The following HTRA4 variants were observed in gnomAD, a reference collection of about 807,000 sequenced individuals.
HTRA4 encodes the protein HtrA serine peptidase 4.
A neutral mutation model predicts 49.1 loss-of-function variants in HTRA4; 46 were observed. That is an observed-to-expected ratio of 0.94 (90% CI 0.74 to 1.20). HTRA4 has a LOEUF of 1.20. HTRA4 is among the 50% of genes most tolerant of loss of function. The pLI, the probability that HTRA4 is intolerant of heterozygous loss-of-function variation, is 0.00. For synonymous variants in HTRA4, 261 were observed against 264.0 expected (o/e 0.99, Z 0.11); for missense variants, 602 against 636.9 (o/e 0.95, Z 0.59).
At chr8:38,978,390 C>T (rs779370759) in intron 4 of HTRA4, among the ~76,000 whole-genome samples, 8 of 152,140 alleles carry the variant, frequency 5.3e-5, no homozygotes, top group East Asian at 1.9e-4. Flanking sequence ...AACTCATGCC[C>T]GATGATCTGA....
chr8:38,974,616 G>A lies in HTRA4; in HGVS notation c.353G>A (p.Ser118Asn). The stretch of plus-strand genomic sequence containing the variant: ...ACGCTGGGAGGGGCCGTGTGCGGCA[G>A]CGACAGGCGCACCTACCCCAGCATG... ...CPTLGGAVCGSDRRTYPSMCA... is the reference protein window; with the variant it reads ...CPTLGGAVCGNDRRTYPSMCA... Residue 118 changes from serine to asparagine, a missense_variant, in exon 1 of 9, where the codon AGC becomes AAC. Coordinates refer to ENST00000302495, the MANE Select transcript of HTRA4 (RefSeq NM_153692.4). 7.0e-7 allele frequency: 1 copy of A among 1,427,022 alleles called. No homozygotes were observed. Among genetic ancestry groups the A allele is most frequent in the Non-Finnish European group, 9.1e-7 (1 of 1,097,628 alleles). 88.4% of individuals were successfully genotyped at this position (1,427,022 alleles called of 1,614,324 possible).
In HTRA4 at chr8:38,978,019, T is replaced by G. The variant is rs780567112; in HGVS notation, c.838T>G (p.Leu280Val). Residue 280 changes from leucine (L) to valine (V), a missense_variant, in exon 4 of 9, where the codon TTG becomes GTG. Transcript: ENST00000302495. ...TCGGGCTGGAGAGTTTGTGGTGGCT[T>G]TGGGCAGCCCATTTTCTCTGCAGAA... Reference protein sequence around the residue: ...DLRAGEFVVALGSPFSLQNTA... With the variant: ...DLRAGEFVVAVGSPFSLQNTA... 1.9e-6 allele frequency: 3 copies of G among 1,614,172 alleles called. No individual in the cohort carries two copies. Among genetic ancestry groups the G allele is most frequent in the Non-Finnish European group, 2.5e-6 (3 of 1,180,030 alleles).
intron 8 of HTRA4, among the ~76,000 whole-genome samples, chr8:38,984,557 G>A (rs1234999761): frequency 6.6e-6 from 1 of 151,818 alleles, no homozygotes; most frequent in Non-Finnish European, 1.5e-5. Flanking sequence ...GACCAGCCTG[G>A]CAAACTTGGT....
At chr8:38,981,807 T>A in intron 6 of HTRA4, 40 bp downstream of exon 6, 1 of 1,406,974 alleles carries the variant, frequency 7.1e-7, no homozygotes, top group Non-Finnish European at 1.0e-6. Flanking sequence ...GGTTTCGTCT[T>A]GTGCTTTTCA....
Position 38,988,133 on chromosome 8 carries a change from A to AG in HTRA4, c.*35_*36insG. ...TTTAAAGTGGGATTATCTAAAAAAA[A>AG]AAAAACCAGTTATATCACGTGGTTT... On this transcript the variant is annotated 3_prime_UTR_variant, in exon 9 of 9. Coordinates refer to ENST00000302495, the MANE Select transcript of HTRA4 (RefSeq NM_153692.4). 1.3e-6 allele frequency: 2 copies of AG among 1,507,660 alleles called. No individual in the cohort carries two copies. Among genetic ancestry groups the AG allele is most frequent in the Non-Finnish European group, 1.8e-6 (2 of 1,129,778 alleles). The allele number at this position is 1,507,660 out of a possible 1,614,324, so 93.4% of individuals were successfully genotyped here.
intron 5 of HTRA4, among the ~76,000 whole-genome samples, chr8:38,979,629 C>A (rs1030581885): frequency 6.6e-6 from 1 of 151,998 alleles, no homozygotes; most frequent in Non-Finnish European, 1.5e-5. Flanking sequence ...TTCTCTCTTC[C>A]CCGTGCTTTC....
intron 8 of HTRA4, among the ~76,000 whole-genome samples, chr8:38,984,167 ATTG>A (rs976413289): frequency 4.0e-5 from 6 of 151,672 alleles, no homozygotes; most frequent in African/African-American, 1.5e-4. Flanking sequence ...CGCTTGGTTA[ATTG>A]TTGTATTTTT....
At position 38,987,941 on chromosome 8, in the gene HTRA4, G is replaced by A. The variant is rs867434767; in HGVS notation, c.1274G>A (p.Gly425Glu). ...TTTTTTTCTCCCTCTCTCAGCTCTG[G>A]ATTGAGAGATCACGATGTAATTGTC... ...VVEGTAAQSSGLRDHDVIVNI... is the reference protein window; with the variant it reads ...VVEGTAAQSSELRDHDVIVNI... Residue 425 changes from glycine (G) to glutamate (E), a missense_variant, in exon 9 of 9, where the codon GGA (glycine) becomes GAA (glutamate). Physicochemically the swap from Gly to Glu is moderately conservative, Grantham distance 98. Transcript: ENST00000302495. 2 of 1,588,016 alleles carry A rather than the reference G, an allele frequency of 1.3e-6. No individual in the cohort carries two copies. Among genetic ancestry groups the A allele is most frequent in the Middle Eastern group, 1.7e-4 (1 of 5,976 alleles).
In HTRA4 at chr8:38,978,114, T is replaced by G. The variant is rs147918547; in HGVS notation, c.933T>G (p.Asp311Glu). The part of the protein sequence containing the change: ...GGKELGMKDS[D>E]MDYVQIDATI... ...AAGAACTGGGGATGAAGGATTCAGA[T>G]ATGGACTACGTCCAGATTGATGCCA... is the stretch of plus-strand genomic sequence containing the variant. The change falls in exon 4 of 9, where the codon GAT (aspartate) becomes GAG (glutamate). Residue 311 changes from aspartate to glutamate, a missense_variant. By Grantham distance (45) the Asp-to-Glu change is conservative. Coordinates refer to ENST00000302495, the MANE Select transcript of HTRA4 (RefSeq NM_153692.4). 36 of 1,614,054 alleles carry G rather than the reference T, an allele frequency of 2.2e-5. No individual in the cohort carries two copies. The East Asian group carries it at 8.0e-4, about 36-fold the overall frequency.
At chr8:38,987,396 C>T (rs1372326753) in intron 8 of HTRA4, among the ~76,000 whole-genome samples, 2 of 127,944 alleles carry the variant, frequency 1.6e-5, no homozygotes, top group African/African-American at 3.0e-5. Flanking sequence ...AGAAGGTTGG[C>T]GGGTTTTTGA....
At chr8:38,983,746 T>C (rs1321917587) in intron 8 of HTRA4, among the ~76,000 whole-genome samples, 2 of 152,044 alleles carry the variant, frequency 1.3e-5, no homozygotes, top group Non-Finnish European at 2.9e-5. Context: ...TTTAAAATTA[T>C]GTATGTGGCT....
chr8:38,977,379 C>T (rs1835366076), intron 3 of HTRA4, among the ~76,000 whole-genome samples: 1 of 150,456 alleles, frequency 6.6e-6, no homozygotes. Flanking sequence ...CTAAGGAATA[C>T]TTTGAAGTCC....
intron 5 of HTRA4, among the ~76,000 whole-genome samples, chr8:38,981,063 GTTTTTTTTTTTTTTT>G (rs71216700): frequency 5.8e-4 from 28 of 48,166 alleles, no homozygotes; most frequent in East Asian, 1.1e-3. Flanking sequence ...ATGAGCTTAA[GTTTTTTTTTTTTTTT>G]TTTTTTTTTT....
At position 38,974,255 on chromosome 8, in the gene HTRA4, A is replaced by G. The variant is rs776846198; in HGVS notation, c.-9A>G. The G allele has an allele frequency of 8.1e-6, 13 of 1,612,336 alleles. No individual in the cohort carries two copies. The highest frequency in any genetic ancestry group is 1.1e-5 in the Non-Finnish European group (13 of 1,179,390). On this transcript the variant is annotated 5_prime_UTR_variant, in exon 1 of 9. Transcript: ENST00000302495. Reference sequence around the variant, plus strand: ...AGTCACTGAAGAGTGGAAGCGAGGAAGGAACAGGATGATTAGACCTCAGCT... The same window carrying G: ...AGTCACTGAAGAGTGGAAGCGAGGAGGGAACAGGATGATTAGACCTCAGCT...
In HTRA4 at chr8:38,977,899, G is replaced by A. The variant is rs188195786; in HGVS notation, c.772-54G>A. ...ACACACACTTTGGTCAATTCTGATC[G>A]TGATTTGTTCTTTACCCTTTCTGTC... On this transcript the variant is annotated intron_variant, in intron 3 of 8. Transcript: ENST00000302495. 8.3e-5 allele frequency: 131 copies of A among 1,572,968 alleles called. No individual in the cohort carries two copies. In the East Asian group the frequency reaches 2.4e-3, roughly 28 times the overall value.
At chr8:38,976,160 C>T (rs899379685) in intron 2 of HTRA4, among the ~76,000 whole-genome samples, 2 of 152,174 alleles carry the variant, frequency 1.3e-5, no homozygotes, top group Non-Finnish European at 2.9e-5. Context: ...GCCTGTAATC[C>T]CAGCACTTTG....
At position 38,983,399 on chromosome 8, in the gene HTRA4, G is replaced by T. The variant is rs140623184; in HGVS notation, c.1268+351G>T. 4.8e-4 allele frequency among the ~76,000 whole-genome samples: 73 copies of T among 152,020 alleles called. 2 individuals are homozygous for T. The Middle Eastern group carries it at 0.017, about 35-fold the overall frequency. ...TAAAAATACAAAAATTAGTGGGTGC[G>T]CCTGTAATTGCAGTTACTTGGGAGG... On this transcript the variant is annotated intron_variant, in intron 8 of 8. Transcript: ENST00000302495.
Position 38,976,628 on chromosome 8 carries a change from C to G in HTRA4, c.660C>G (p.Val220=), listed in dbSNP as rs1588290569. The change falls in exon 3 of 9, where the codon GTC becomes GTG. Residue 220 remains valine (V), a synonymous_variant. Transcript: ENST00000302495. ...DGLIITNAHV[V]RNQQWIEVVL... is the part of the protein sequence containing the mutation. ...TCATTATTACCAATGCCCATGTTGT[C>G]AGGAACCAGCAGTGGATTGAGGTGG... is the stretch of plus-strand genomic sequence containing the variant. The G allele has an allele frequency of 6.2e-6, 10 of 1,614,156 alleles. No individual in the cohort carries two copies. Among genetic ancestry groups the G allele is most frequent in the Non-Finnish European group, 8.5e-6 (10 of 1,180,038 alleles).
intron 8 of HTRA4, among the ~76,000 whole-genome samples, chr8:38,985,037 G>C (rs1835467893): frequency 6.6e-6 from 1 of 152,206 alleles, no homozygotes; most frequent in South Asian, 2.1e-4. Flanking sequence ...GCAAAGGCTA[G>C]GACAGCTTCC....
Sources: allele counts gnomAD v4.1 joint callset (sites outside exome capture counted in the v4.1 genomes callset), GRCh38; gene constraint gnomAD v4.1.1; transcripts MANE v1.5; gene names NCBI Gene and HGNC (gene_info 2026-07-23, HGNC 2026-07-21).